SORBS2: variants seen among roughly 807,000 people sequenced by gnomAD.
The protein encoded by SORBS2 is sorbin and SH3 domain-containing protein 2.
In SORBS2, 46 loss-of-function variants were observed where a neutral mutation model predicts 97.7. That is an observed-to-expected ratio of 0.47 (90% confidence interval 0.37 to 0.60). SORBS2 has a LOEUF of 0.60. SORBS2 is among the 20% of genes least tolerant of loss of function. The probability of loss-of-function intolerance (pLI) is 0.00; values close to 1 mark genes in which losing one functional copy is unlikely to be tolerated. For synonymous variants in SORBS2, 476 were observed against 473.4 expected, an observed-to-expected ratio of 1.01 and a Z score of -0.07; for missense variants, 1,316 against 1,282.3, an observed-to-expected ratio of 1.03 and a Z score of -0.40.
At chr4:185,875,428 C>T (rs35173472) in intron 1 of SORBS2, among the ~76,000 whole-genome samples, 33,718 of 152,118 alleles carry the variant, frequency 0.22, 4,218 homozygotes, top group East Asian at 0.54. Flanking sequence ...AAACCAAAAA[C>T]GTCTCCCGGA....
At chr4:185,698,097 G>T (rs73013693) in intron 2 of SORBS2, among the ~76,000 whole-genome samples, 10,322 of 152,134 alleles carry the variant, frequency 0.068, 1,224 homozygotes, top group African/African-American at 0.23. Flanking sequence ...GATGCCCCAA[G>T]CAGATACTCA....
intron 4 of SORBS2, chr4:185,677,385 G>A (rs1422657557): frequency 6.4e-7 from 1 of 1,552,236 alleles, no homozygotes; most frequent in South Asian, 1.2e-5. Flanking sequence ...ATCCGTGCTG[G>A]AAGCTGCTGG....
At chr4:185,737,671 C>A in intron 2 of SORBS2, among the ~76,000 whole-genome samples, 1 of 152,060 alleles carries the variant, frequency 6.6e-6, no homozygotes, top group East Asian at 1.9e-4. Flanking sequence ...GCTGCCTCTG[C>A]GGGGATGGGC....
At chr4:185,614,654 C>A (rs2096600681) in intron 11 of SORBS2, 177 bp downstream of exon 23, 2 of 692,478 alleles carry the variant, frequency 2.9e-6, no homozygotes, top group Admixed American at 3.0e-5. Flanking sequence ...GACACAGGGA[C>A]CAGCAGGGAA....
intron 1 of SORBS2, among the ~76,000 whole-genome samples, chr4:185,895,404 G>A (rs918691650): frequency 1.3e-5 from 2 of 152,214 alleles, no homozygotes; most frequent in Non-Finnish European, 2.9e-5. Flanking sequence ...ACCGAAGCTC[G>A]ACTTAGGTTC....
chr4:185,874,688 C>T (rs888014777), intron 1 of SORBS2, among the ~76,000 whole-genome samples: 10 of 152,128 alleles, frequency 6.6e-5, no homozygotes, highest in African/African-American at 2.4e-4. Flanking sequence ...TAAATAAACT[C>T]TGCTGTATCT....
chr4:185,713,041 A>G (rs2098437140), intron 2 of SORBS2, among the ~76,000 whole-genome samples: 1 of 152,068 alleles, frequency 6.6e-6, no homozygotes, highest in Admixed American at 6.6e-5. Flanking sequence ...CAAACATCTG[A>G]GAGACATCAG....
At chr4:185,602,280 T>C (rs1161015789) in intron 12 of SORBS2, among the ~76,000 whole-genome samples, 1 of 152,214 alleles carries the variant, frequency 6.6e-6, no homozygotes, top group Non-Finnish European at 1.5e-5. Flanking sequence ...AGTGCTGGGA[T>C]TACAGGCATG....
chr4:185,668,854 T>C (rs1047520971), intron 4 of SORBS2, among the ~76,000 whole-genome samples: 1 of 151,944 alleles, frequency 6.6e-6, no homozygotes, highest in African/African-American at 2.4e-5. Flanking sequence ...GGTCACCAAC[T>C]TTTTGTGAGT....
Position 185,599,646 on chromosome 4 carries a change from G to T in SORBS2, c.2797-5711C>A, listed in dbSNP as rs141066645. The stretch of plus-strand genomic sequence containing the variant: ...GATGCTTGGCAACAGTTTTTTCTTT[G>T]CAGGAGAAACGGTGACTAGAAAGCA... On this transcript the variant is annotated intron_variant, in intron 12 of 14. Coordinates refer to ENST00000418609, the Ensembl canonical transcript of SORBS2. 1.2e-3 allele frequency among the ~76,000 whole-genome samples: 177 copies of T among 152,294 alleles called. 1 individual carries two copies. Among genetic ancestry groups the T allele is most frequent in the African/African-American group, 4.1e-3 (169 of 41,564 alleles).
At chr4:185,907,838 T>G (rs1490602674) in intron 1 of SORBS2, among the ~76,000 whole-genome samples, 1 of 152,200 alleles carries the variant, frequency 6.6e-6, no homozygotes, top group Non-Finnish European at 1.5e-5. Flanking sequence ...CTTGTACAAA[T>G]GTGCCTTTGG....
chr4:185,785,671 G>A (rs1048755820), intron 1 of SORBS2, among the ~76,000 whole-genome samples: 3 of 152,122 alleles, frequency 2.0e-5, no homozygotes, highest in Non-Finnish European at 4.4e-5. Context: ...CATAATTGTT[G>A]TGAGGCTTAA....
intron 2 of SORBS2, 46 bp from the exon 3 acceptor site, chr4:185,734,200 A>G (rs967900237): frequency 6.6e-6 from 1 of 152,614 alleles, no homozygotes; most frequent in Middle Eastern, 3.2e-3. Context: ...GGTCTGCCCC[A>G]CACTCCCCAA....
intron 1 of SORBS2, among the ~76,000 whole-genome samples, chr4:185,829,561 G>A (rs1210912929): frequency 6.6e-6 from 1 of 152,014 alleles, no homozygotes; most frequent in African/African-American, 2.4e-5. Flanking sequence ...CCCCATCCCC[G>A]TTCCCACTAG....
chr4:185,869,153 A>T (rs1412834020), intron 1 of SORBS2, among the ~76,000 whole-genome samples: 4 of 152,092 alleles, frequency 2.6e-5, no homozygotes, highest in Admixed American at 1.3e-4. Context: ...CAAACAGCAA[A>T]CTCTAAGAAT....
chr4:185,673,104 AG>A (rs1231369470), intron 4 of SORBS2, among the ~76,000 whole-genome samples: 1 of 152,198 alleles, frequency 6.6e-6, no homozygotes, highest in African/African-American at 2.4e-5. Context: ...TACCAAGTGA[AG>A]GCCTGTCTCA....
intron 1 of SORBS2, among the ~76,000 whole-genome samples, chr4:185,887,381 T>C (rs1435565482): frequency 1.3e-5 from 2 of 152,146 alleles, no homozygotes; most frequent in African/African-American, 2.4e-5. Flanking sequence ...TTATAAAGAT[T>C]TGGTTGTTTG....
chr4:185,719,633 G>A (rs2098496117), intron 2 of SORBS2, among the ~76,000 whole-genome samples: 1 of 152,224 alleles, frequency 6.6e-6, no homozygotes. Flanking sequence ...AGCATGAGAT[G>A]TTAGTTTTTA....
intron 1 of SORBS2, among the ~76,000 whole-genome samples, chr4:185,822,248 T>G (rs536346470): frequency 7.9e-5 from 12 of 152,342 alleles, no homozygotes; most frequent in African/African-American, 2.9e-4. Flanking sequence ...GTTTCCCCAG[T>G]TGGGTGTGCA....
Sources: gnomAD v4.1 joint callset for allele counts (sites outside exome capture counted in the v4.1 genomes callset) on GRCh38, gnomAD v4.1.1 for gene constraint, MANE v1.5 for transcripts, NCBI Gene and HGNC (gene_info 2026-07-23, HGNC 2026-07-21) for gene names.